Variants in TTN observed in about 807,000 individuals in gnomAD.
TTN encodes connectin.
A neutral mutation model predicts 3,223.0 loss-of-function variants in TTN; 1,525 were observed. The ratio of observed to expected loss-of-function variants is 0.47; its 90% CI spans 0.45 to 0.49. The LOEUF (loss-of-function observed/expected upper bound fraction) is 0.49, where lower values mean the gene tolerates loss of function less well. TTN is among the 20% of genes least tolerant of loss of function. The pLI, the probability that TTN is intolerant of heterozygous loss-of-function variation, is 0.00. For synonymous variants in TTN, 14,094 were observed against 15,161.0 expected, an observed-to-expected ratio of 0.93 and a Z score of 5.17; for missense variants, 40,786 against 43,424.0, an observed-to-expected ratio of 0.94 and a Z score of 5.40.
intron 282 of TTN, 144 bp downstream of exon 282, chr2:178,603,732 G>C: frequency 2.6e-6 from 2 of 755,088 alleles, no homozygotes; most frequent in South Asian, 2.5e-5. Context: ...ATATACTTCC[G>C]ATAGTCTATG....
rs1698367521 is a variant in TTN at position 178,549,221 on chromosome 2, C to T, written c.92405G>A (p.Gly30802Glu). The part of the protein sequence containing the change: ...EFHVMAENAA[G>E]VGPASGISRL... Reference sequence around the variant, plus strand: ...TGAGATGCCACTTGCAGGTCCAACTCCTGCAGCATTTTCAGCCATGACATG... The same window carrying T: ...TGAGATGCCACTTGCAGGTCCAACTTCTGCAGCATTTTCAGCCATGACATG... Residue 30802 changes from glycine (G) to glutamate (E), a missense_variant, in exon 339 of 363, where the codon GGA becomes GAA. Transcript: ENST00000589042. 1 of 1,613,684 alleles carries T rather than the reference C, an allele frequency of 6.2e-7. No individual in the cohort carries two copies. Among genetic ancestry groups the T allele is most frequent in the Admixed American group, 1.7e-5 (1 of 59,966 alleles).
rs144011561 is a variant in TTN, at chr2:178,778,913, G to A, written c.4169C>T (p.Pro1390Leu). Residue 1390 changes from proline to leucine, a missense_variant, in exon 24 of 363, where the codon CCG becomes CTG. Transcript: ENST00000589042. ...TGGCTCTAGTGTGGGAATGTAAGTC[G>A]GAGCTCCAAGTGGTGCAGCAGGCTC... ...YVEPAAPLGA[P>L]TYIPTLEPVS... 20 of 1,613,808 alleles carry A rather than the reference G, an allele frequency of 1.2e-5. No homozygotes were observed. Among genetic ancestry groups the A allele is most frequent in the Admixed American group, 5.0e-5 (3 of 59,998 alleles).
In TTN at chr2:178,664,669, C is replaced by T. The variant is rs777461276; in HGVS notation, c.36187G>A (p.Val12063Ile). Residue 12063 changes from valine to isoleucine, a missense_variant, in exon 167 of 363, where the codon GTC becomes ATC. Coordinates refer to ENST00000589042, the MANE Select transcript of TTN (RefSeq NM_001267550.2). ...TLVVPLRKPE[V>I]LPDEVPEALR... is the part of the protein sequence containing the mutation. Reference sequence around the variant, plus strand: ...CAAGATATACCTTCATCAGGAAGGACTTCAGGCTTTCTGAGAGGAACCACA... The same window carrying T: ...CAAGATATACCTTCATCAGGAAGGATTTCAGGCTTTCTGAGAGGAACCACA... 13 of 1,612,374 alleles carry T rather than the reference C, an allele frequency of 8.1e-6. No homozygotes were observed. In the African/African-American group the frequency reaches 1.5e-4, roughly 18 times the overall value.
chr2:178,558,788 C>T (rs1334486213), intron 326 of TTN, 151 bp from the exon 327 acceptor site: 1 of 832,582 alleles, frequency 1.2e-6, no homozygotes, highest in East Asian at 2.8e-5. Flanking sequence ...CATTTTGCTT[C>T]TGAACCAACC....
In TTN at chr2:178,642,221, T is replaced by C; in HGVS notation, c.40558+16A>G. On this transcript the variant is annotated intron_variant, in intron 219 of 362. Coordinates refer to ENST00000589042, the MANE Select transcript of TTN (RefSeq NM_001267550.2). ...AATATACTTAACGCTGACAGAATGG[T>C]TGAAAAATACTATACCGCTTTTCAG... The C allele has an allele frequency of 1.3e-6, 2 of 1,565,466 alleles. No homozygotes were observed. Among genetic ancestry groups the C allele is most frequent in the South Asian group, 2.4e-5 (2 of 84,090 alleles).
At chr2:178,786,956 A>T (rs771351523) in intron 13 of TTN, among the ~76,000 whole-genome samples, 4 of 152,124 alleles carry the variant, frequency 2.6e-5, no homozygotes, top group Non-Finnish European at 5.9e-5. Context: ...TTTGCAGAGG[A>T]GGTTCTCTTT....
Position 178,564,819 on chromosome 2 carries a change from T to G in TTN, c.81313A>C (p.Ile27105Leu). 1.2e-6 allele frequency: 2 copies of G among 1,613,048 alleles called. No homozygotes were observed. Among genetic ancestry groups the G allele is most frequent in the Non-Finnish European group, 1.7e-6 (2 of 1,179,498 alleles). Residue 27105 changes from isoleucine (I) to leucine (L), a missense_variant, in exon 326 of 363, where the codon ATT (isoleucine) becomes CTT (leucine). Physicochemically the swap from Ile to Leu is conservative, Grantham distance 5 (BLOSUM62 2). Coordinates refer to ENST00000589042, the MANE Select transcript of TTN (RefSeq NM_001267550.2). ...TCTTTCTGTTCAAGATGGTAGCCAA[T>G]AATTTTGGTGCCTCCATCATTCACT... ...EPVNDGGTKI[I>L]GYHLEQKEKN... is the part of the protein sequence containing the mutation.
chr2:178,675,486 T>C (rs1303034257), intron 149 of TTN, among the ~76,000 whole-genome samples, 185 bp downstream of exon 149: 3 of 151,860 alleles, frequency 2.0e-5, no homozygotes, highest in Admixed American at 6.6e-5. Flanking sequence ...AGAGAAACGA[T>C]GTAAAGCACA....
At position 178,750,700 on chromosome 2, in the gene TTN, T is replaced by C. The variant is rs767098727; in HGVS notation, c.11311+2424A>G. On this transcript the variant is annotated intron_variant, in intron 47 of 362. Transcript: ENST00000589042. ...GTAATTCTCTCAAATCATCCTTTTT[T>C]ATTCTTTCACTAGCTATTTCTTCAC... 3.1e-6 allele frequency: 5 copies of C among 1,612,688 alleles called. No individual in the cohort carries two copies. The East Asian group carries it at 1.1e-4, about 36-fold the overall frequency.
intron 304 of TTN, 107 bp from the exon 305 acceptor site, chr2:178,588,326 A>G: frequency 8.5e-7 from 1 of 1,181,274 alleles, no homozygotes; most frequent in South Asian, 1.9e-5. Context: ...CAATTTTTCA[A>G]TTAGTGTCCT....
At chr2:178,720,874 C>T in intron 79 of TTN, 47 bp downstream of exon 79, 5 of 1,519,968 alleles carry the variant, frequency 3.3e-6, no homozygotes, top group Non-Finnish European at 4.4e-6. Flanking sequence ...TGCTAAGAGC[C>T]CAAATCAGAG....
At chr2:178,743,969 G>C (rs1388847747) in intron 47 of TTN, among the ~76,000 whole-genome samples, 1 of 151,812 alleles carries the variant, frequency 6.6e-6, no homozygotes, top group Non-Finnish European at 1.5e-5. Flanking sequence ...GGGGAGGCCT[G>C]GCTGCTCTGC....
intron 47 of TTN, chr2:178,751,678 ATC>A (rs1351367402): frequency 1.9e-6 from 3 of 1,613,212 alleles, no homozygotes; most frequent in African/African-American, 2.7e-5. Context: ...AACTTCCAGA[ATC>A]TCTGTCTTGG....
At position 178,593,749 on chromosome 2, in the gene TTN, A is replaced by G. The variant is rs768903905; in HGVS notation, c.58551T>C (p.Ile19517=). The change falls in exon 298 of 363, where the codon ATT becomes ATC. Residue 19517 remains isoleucine, a synonymous_variant. Transcript: ENST00000589042. ...DGGSKITNYI[I]EKKEVGKDVW... is the part of the protein sequence containing the mutation. Reference sequence around the variant, plus strand: ...CGTCTTTACCCACTTCCTTCTTCTCAATAATATAATTGGTGATTTTACTGC... The same window carrying G: ...CGTCTTTACCCACTTCCTTCTTCTCGATAATATAATTGGTGATTTTACTGC... 6.2e-7 allele frequency: 1 copy of G among 1,613,270 alleles called. No individual in the cohort carries two copies. The highest frequency in any genetic ancestry group is 1.7e-5 in the Admixed American group (1 of 59,946).
At chr2:178,684,586 T>C (rs1011652696) in intron 131 of TTN, 80 bp downstream of exon 131, 2 of 1,469,408 alleles carry the variant, frequency 1.4e-6, no homozygotes, top group Admixed American at 3.8e-5. Flanking sequence ...ATATAAACAG[T>C]ATGACCCAAA....
chr2:178,724,408 G>A lies in TTN; in HGVS notation c.20967C>T (p.Thr6989=). The A allele has an allele frequency of 1.2e-6, 2 of 1,613,510 alleles. No homozygotes were observed. The highest frequency in any genetic ancestry group is 1.7e-6 in the Non-Finnish European group (2 of 1,179,572). ...AGCTAAATTTGTGTTTTTGGCTGCT[G>A]GTCAACAGCTTTCCATCCTTGTACC... The part of the protein sequence containing the change: ...VEWYKDGKLL[T]SSQKHKFSFY... Residue 6989 remains threonine, a synonymous_variant, in exon 72 of 363, where the codon ACC becomes ACT. Transcript: ENST00000589042.
chr2:178,735,849 G>A lies in TTN; in HGVS notation c.14597C>T (p.Ser4866Phe), dbSNP rs1226951123. ...TCCAAACTTGTTGGAAGCCTTACAA[G>A]AATAAACTCCTCTATCTTGAATGGT... ...NLTIQDRGVY[S>F]CKASNKFGAD... Residue 4866 changes from serine to phenylalanine, a missense_variant, in exon 50 of 363, where the codon TCT (serine) becomes TTT (phenylalanine). Coordinates refer to ENST00000589042, the MANE Select transcript of TTN (RefSeq NM_001267550.2). 1.2e-6 allele frequency: 2 copies of A among 1,613,810 alleles called. No individual in the cohort carries two copies. The highest frequency in any genetic ancestry group is 1.7e-6 in the Non-Finnish European group (2 of 1,179,806).
At chr2:178,757,178 A>AAGTACAGTAAGTAATACTGTACTTG (rs1561093680) in intron 45 of TTN, among the ~76,000 whole-genome samples, 3,971 of 88,270 alleles carry the variant, frequency 0.045, 361 homozygotes, top group African/African-American at 0.062. Context: ...TACTGTACTT[A>AAGTACAGTAAGTAATACTGTACTTG]CTTTAAGTAC....
At position 178,571,505 on chromosome 2, in the gene TTN, C is replaced by T; in HGVS notation, c.74627G>A (p.Gly24876Glu). The T allele has an allele frequency of 1.2e-6, 2 of 1,613,320 alleles. No homozygotes were observed. Among genetic ancestry groups the T allele is most frequent in the Non-Finnish European group, 1.7e-6 (2 of 1,179,582 alleles). Residue 24876 changes from glycine to glutamate, a missense_variant, in exon 326 of 363, where the codon GGA becomes GAA. Transcript: ENST00000589042. ...TGCAATTCTAAACTGATATTCACAT[C>T]CAGTCTTCAGTCTGCAAGCCTTTAT... Reference protein sequence around the residue: ...TTIKACRLKTGCEYQFRIAAE... With the variant: ...TTIKACRLKTECEYQFRIAAE...
Sources: allele counts gnomAD v4.1 joint callset (sites outside exome capture counted in the v4.1 genomes callset), GRCh38; gene constraint gnomAD v4.1.1; transcripts MANE v1.5; gene names NCBI Gene and HGNC (gene_info 2026-07-23, HGNC 2026-07-21).